Variants in GC observed in about 807,000 individuals in gnomAD.
GC encodes vitamin D-binding protein.
A neutral mutation model predicts 56.7 loss-of-function variants in GC; 43 were observed. The observed-to-expected ratio is 0.76, with a 90% confidence interval of 0.59 to 0.98. The LOEUF (loss-of-function observed/expected upper bound fraction) is 0.98. GC is among the 50% of genes least tolerant of loss of function. The pLI is 0.00. For synonymous variants in GC, 216 were observed against 202.7 expected, an observed-to-expected ratio of 1.07 and a Z score of -0.56; for missense variants, 529 against 545.9, an observed-to-expected ratio of 0.97 and a Z score of 0.31.
chr4:71,772,696 A>T (rs1332725830), intron 1 of GC, among the ~76,000 whole-genome samples: 1 of 152,094 alleles, frequency 6.6e-6, no homozygotes, highest in Admixed American at 6.6e-5. Context: ...TTTTGAAACT[A>T]TTTTTGCTGG....
At chr4:71,787,565 T>A (rs1382252850), upstream of GC, among the ~76,000 whole-genome samples, 2 of 151,880 alleles carry the variant, frequency 1.3e-5, no homozygotes, top group Non-Finnish European at 2.9e-5. Context: ...TTAGTCTAGC[T>A]GGGAAGACAG....
intron 1 of GC, among the ~76,000 whole-genome samples, chr4:71,770,473 A>G (rs559805803): frequency 1.3e-5 from 2 of 152,294 alleles, no homozygotes; most frequent in South Asian, 4.2e-4. Flanking sequence ...AGGGAGAGAG[A>G]TCACAGAAGA....
upstream of GC, among the ~76,000 whole-genome samples, chr4:71,786,349 A>G (rs1361934560): frequency 6.6e-6 from 1 of 151,826 alleles, no homozygotes; most frequent in African/African-American, 2.4e-5. Flanking sequence ...CCTAAATGAG[A>G]GGCCTCATGT....
intron 3 of GC, 39 bp from the exon 4 acceptor site, chr4:71,765,682 AAATTTCCAGGCTTTTAGACTTCCATTT>A (rs1560699868): frequency 2.4e-6 from 3 of 1,265,526 alleles, no homozygotes; most frequent in Non-Finnish European, 3.5e-6. Flanking sequence ...ATATATATGT[AAATTTCCAGGCTTTTAGACTTCCATTT>A]AATATAATAT....
chr4:71,793,344 G>A (rs930514437), intron 1 of GC, among the ~76,000 whole-genome samples: 5 of 152,076 alleles, frequency 3.3e-5, no homozygotes, highest in African/African-American at 1.2e-4. Flanking sequence ...TTAAGCAGTG[G>A]TTTGTATTTC....
At chr4:71,764,668 T>C (rs1578297259) in intron 4 of GC, among the ~76,000 whole-genome samples, 3 of 152,326 alleles carry the variant, frequency 2.0e-5, no homozygotes, top group Non-Finnish European at 4.4e-5. Context: ...TTTCTATTTC[T>C]GGGAATAGAT....
rs958113099 is a variant in GC, at chr4:71,769,314, G to A, written c.128+17C>T. On this transcript the variant is annotated intron_variant, in intron 2 of 12. Transcript: ENST00000273951. ...AGATCAAATCACCAACAGAGTGAGT[G>A]GCTGCTGCACACTTACAGAGATGTG... 7.6e-6 allele frequency: 12 copies of A among 1,570,154 alleles called. No homozygotes were observed. The Admixed American group carries it at 1.8e-4, about 24-fold the overall frequency.
chr4:71,798,043 C>G (rs1036486505), intron 1 of GC, among the ~76,000 whole-genome samples: 1 of 152,176 alleles, frequency 6.6e-6, no homozygotes. Context: ...CCTTTGTTGT[C>G]TCTGTTCTTC....
At chr4:71,758,928 C>G (rs1392541114) in intron 6 of GC, among the ~76,000 whole-genome samples, 3 of 152,110 alleles carry the variant, frequency 2.0e-5, no homozygotes, top group African/African-American at 7.2e-5. Flanking sequence ...TTGCTCTGCT[C>G]CCACTTCCCC....
At position 71,769,352 on chromosome 4, in the gene GC, C is replaced by G. The variant is rs749825488; in HGVS notation, c.107G>C (p.Gly36Ala). Reference protein sequence around the residue: ...NKVCKEFSHLGKEDFTSLSLV... With the variant: ...NKVCKEFSHLAKEDFTSLSLV... ...TTACAGAGATGTGAAGTCCTCCTTT[C>G]CCAGATGGGAGAATTCCTTGCAGAC... is the stretch of plus-strand genomic sequence containing the variant. The change falls in exon 2 of 13, where the codon GGA (glycine) becomes GCA (alanine). Residue 36 changes from glycine to alanine, a missense_variant. Physicochemically the swap from Gly to Ala is moderately conservative, Grantham distance 60. Coordinates refer to ENST00000273951, the MANE Select transcript of GC (RefSeq NM_000583.4). 11 of 1,612,546 alleles carry G rather than the reference C, an allele frequency of 6.8e-6. No homozygotes were observed. Among genetic ancestry groups the G allele is most frequent in the Non-Finnish European group, 9.3e-6 (11 of 1,178,732 alleles).
At chr4:71,753,312 G>A (rs1243455188) in intron 10 of GC, among the ~76,000 whole-genome samples, 18 of 152,052 alleles carry the variant, frequency 1.2e-4, no homozygotes, top group Admixed American at 6.6e-5. Flanking sequence ...CCAGCGGGGG[G>A]CAATGGGAGG....
intron 1 of GC, among the ~76,000 whole-genome samples, chr4:71,792,579 A>C (rs1445476480): frequency 6.6e-6 from 1 of 152,156 alleles, no homozygotes; most frequent in African/African-American, 2.4e-5. Context: ...TCAGATGGGT[A>C]CATTGCAAAA....
At position 71,742,952 on chromosome 4, in the gene GC, C is replaced by T. The variant is rs151264628; in HGVS notation, c.*26-1082G>A. ...TTGTGCCACTGCACTCCAGACTGGGCGACAGAGTGAGATTCCGTCTTGGTG... is the reference window on the plus strand; with the variant it reads ...TTGTGCCACTGCACTCCAGACTGGGTGACAGAGTGAGATTCCGTCTTGGTG... On this transcript the variant is annotated intron_variant, in intron 12 of 12. Coordinates refer to ENST00000273951, the MANE Select transcript of GC (RefSeq NM_000583.4). 6.8e-3 allele frequency among the ~76,000 whole-genome samples: 1,036 copies of T among 152,066 alleles called. 16 individuals are homozygous for T. The highest frequency in any genetic ancestry group is 0.024 in the African/African-American group (986 of 41,468).
chr4:71,803,261 G>A (rs1167328710), intron 1 of GC, among the ~76,000 whole-genome samples: 1 of 152,024 alleles, frequency 6.6e-6, no homozygotes, highest in Non-Finnish European at 1.5e-5. Flanking sequence ...TGATTTGGCT[G>A]AACATAAAAA....
intron 6 of GC, among the ~76,000 whole-genome samples, chr4:71,760,295 A>G (rs1016403596): frequency 4.6e-5 from 7 of 151,228 alleles, no homozygotes; most frequent in African/African-American, 1.7e-4. Flanking sequence ...CTTGTGAACC[A>G]CCTGCTTTGG....
intron 8 of GC, among the ~76,000 whole-genome samples, chr4:71,755,508 G>T (rs1404634077): frequency 2.0e-5 from 3 of 152,046 alleles, no homozygotes; most frequent in East Asian, 1.9e-4. Flanking sequence ...AGAGCACCTG[G>T]TTTCTGCATC....
chr4:71,747,115 TG>T (rs770485001), intron 11 of GC, among the ~76,000 whole-genome samples: 18 of 152,146 alleles, frequency 1.2e-4, no homozygotes, highest in Non-Finnish European at 2.5e-4. Flanking sequence ...ATTTTCATCG[TG>T]GGGCAATGGG....
intron 1 of GC, among the ~76,000 whole-genome samples, chr4:71,794,624 T>C (rs983495791): frequency 6.6e-6 from 1 of 152,162 alleles, no homozygotes; most frequent in Non-Finnish European, 1.5e-5. Context: ...GATCCATTGA[T>C]TTTTTGAAGG....
chr4:71,795,889 A>C (rs546357986), intron 1 of GC, among the ~76,000 whole-genome samples: 2 of 152,260 alleles, frequency 1.3e-5, no homozygotes, highest in Non-Finnish European at 2.9e-5. Flanking sequence ...TTGTCTGTAA[A>C]GGATTTTATT....
Sources: gnomAD v4.1 joint callset for allele counts (sites outside exome capture counted in the v4.1 genomes callset) on GRCh38, gnomAD v4.1.1 for gene constraint, MANE v1.5 for transcripts, NCBI Gene and HGNC (gene_info 2026-07-23, HGNC 2026-07-21) for gene names.